Variants in PCCB observed in about 807,000 individuals in gnomAD.
PCCB encodes the protein propionyl-CoA carboxylase subunit beta.
In PCCB, 43 loss-of-function variants were observed where a neutral mutation model predicts 60.7. The observed-to-expected ratio is 0.71, with a 90% CI of 0.55 to 0.91. The LOEUF is 0.91. Ranked by LOEUF, PCCB falls within the 40% of genes least tolerant of loss-of-function variation. The pLI, the probability that PCCB is intolerant of heterozygous loss-of-function variation, is 0.00. For missense variants in PCCB, 766 were observed against 702.8 expected, an observed-to-expected ratio of 1.09 and a Z score of -1.02; for synonymous variants, 276 against 255.9, an observed-to-expected ratio of 1.08 and a Z score of -0.75.
At chr3:136,318,339 G>A (rs546662059) in intron 10 of PCCB, among the ~76,000 whole-genome samples, 4 of 152,154 alleles carry the variant, frequency 2.6e-5, no homozygotes, top group Non-Finnish European at 5.9e-5. Context: ...ACAGTGAGCC[G>A]AGATCACGCC....
At chr3:136,282,965 G>A (rs1244170895) in intron 5 of PCCB, among the ~76,000 whole-genome samples, 3 of 152,182 alleles carry the variant, frequency 2.0e-5, no homozygotes, top group African/African-American at 7.2e-5. Context: ...ATGCTGTCCA[G>A]TTGTTTTTGG....
At chr3:136,306,995 C>A (rs1381137778) in intron 9 of PCCB, among the ~76,000 whole-genome samples, 1 of 122,570 alleles carries the variant, frequency 8.2e-6, no homozygotes, top group Non-Finnish European at 1.8e-5. Context: ...GGGCAGAAAT[C>A]AAATGACTTA....
chr3:136,297,230 A>G (rs1295907704), intron 7 of PCCB, among the ~76,000 whole-genome samples: 1 of 152,168 alleles, frequency 6.6e-6, no homozygotes, highest in Non-Finnish European at 1.5e-5. Context: ...TCAGTGAACA[A>G]GGAGGATCAT....
At chr3:136,314,937 G>A (rs537479270) in intron 9 of PCCB, among the ~76,000 whole-genome samples, 20 of 152,184 alleles carry the variant, frequency 1.3e-4, no homozygotes, top group Non-Finnish European at 2.5e-4. Context: ...AACACATTGT[G>A]CCACTTGATG....
intron 3 of PCCB, among the ~76,000 whole-genome samples, chr3:136,256,931 T>C (rs964735180): frequency 1.3e-5 from 2 of 152,318 alleles, no homozygotes; most frequent in Non-Finnish European, 2.9e-5. Context: ...AGGGCATCTG[T>C]GTCCTGGGCA....
chr3:136,257,112 A>G (rs936340373), intron 3 of PCCB, among the ~76,000 whole-genome samples: 2 of 152,188 alleles, frequency 1.3e-5, no homozygotes, highest in Non-Finnish European at 2.9e-5. Context: ...AGCTATCAAT[A>G]TGTTATTTTA....
chr3:136,265,063 G>A (rs1941949923), intron 5 of PCCB, among the ~76,000 whole-genome samples: 2 of 151,796 alleles, frequency 1.3e-5, no homozygotes, highest in South Asian at 2.1e-4. Context: ...GCGTGATGGC[G>A]AGCGCCTGTA....
intron 10 of PCCB, among the ~76,000 whole-genome samples, chr3:136,323,164 A>G (rs1195469888): frequency 1.3e-5 from 2 of 152,060 alleles, no homozygotes; most frequent in Non-Finnish European, 2.9e-5. Context: ...GTTTTCGGAC[A>G]TTATTTCATC....
chr3:136,279,487 A>C (rs1347434299), intron 5 of PCCB, among the ~76,000 whole-genome samples: 1 of 152,034 alleles, frequency 6.6e-6, no homozygotes, highest in Non-Finnish European at 1.5e-5. Flanking sequence ...GATTATAATT[A>C]ATATCTTGAA....
At chr3:136,299,722 A>T (rs1934140315) in intron 8 of PCCB, among the ~76,000 whole-genome samples, 1 of 149,082 alleles carries the variant, frequency 6.7e-6, no homozygotes, top group African/African-American at 2.5e-5. Flanking sequence ...ATGTGTATGT[A>T]TGTATATGCA....
At chr3:136,270,488 A>G (rs973256263) in intron 5 of PCCB, among the ~76,000 whole-genome samples, 1 of 151,700 alleles carries the variant, frequency 6.6e-6, no homozygotes, top group African/African-American at 2.4e-5. Context: ...GCCCGGCCAC[A>G]TCTGTTGTTT....
chr3:136,268,276 A>C (rs1296905586), intron 5 of PCCB, among the ~76,000 whole-genome samples: 1 of 151,328 alleles, frequency 6.6e-6, no homozygotes, highest in Non-Finnish European at 1.5e-5. Flanking sequence ...ATTAATTGAC[A>C]TAACTATTCT....
intron 5 of PCCB, among the ~76,000 whole-genome samples, chr3:136,280,399 T>G (rs1239150858): frequency 2.6e-5 from 4 of 152,202 alleles, no homozygotes. Flanking sequence ...CAGGATGGAG[T>G]GCAGTGGTGC....
intron 7 of PCCB, among the ~76,000 whole-genome samples, chr3:136,294,647 A>T (rs1031553624): frequency 1.4e-5 from 2 of 146,248 alleles, no homozygotes; most frequent in Non-Finnish European, 3.0e-5. Flanking sequence ...GTCTCATGCT[A>T]TTGCCCAGGC....
In PCCB at chr3:136,301,109, T is replaced by C. The variant is rs1934259306; in HGVS notation, c.964T>C (p.Ser322Pro). 6.2e-7 allele frequency: 1 copy of C among 1,609,654 alleles called. No homozygotes were observed. Among genetic ancestry groups the C allele is most frequent in the Non-Finnish European group, 8.5e-7 (1 of 1,175,840 alleles). ...KAYNMVDIIH[S>P]VVDEREFFEI... ...CTACAACATGGTGGACATCATACACTCTGTAAGTGCCACATCTGTTTGTCT... is the reference window on the plus strand; with the variant it reads ...CTACAACATGGTGGACATCATACACCCTGTAAGTGCCACATCTGTTTGTCT... Residue 322 changes from serine (S) to proline (P), a missense_variant and splice_region_variant, in exon 9 of 15, where the codon TCT becomes CCT. Ser to Pro is a moderately conservative substitution (Grantham distance 74). Coordinates refer to ENST00000251654, the MANE Select transcript of PCCB (RefSeq NM_000532.5).
At chr3:136,251,769 T>C (rs1199873257) in intron 1 of PCCB, among the ~76,000 whole-genome samples, 1 of 152,202 alleles carries the variant, frequency 6.6e-6, no homozygotes, top group East Asian at 1.9e-4. Flanking sequence ...CGCCTAGCCC[T>C]TTCCCAGGTA....
chr3:136,325,651 C>G (rs67452583), intron 10 of PCCB, among the ~76,000 whole-genome samples: 1 of 151,950 alleles, frequency 6.6e-6, no homozygotes, highest in African/African-American at 2.4e-5. Context: ...GCCACTGTGC[C>G]GGGCCATGTT....
intron 1 of PCCB, among the ~76,000 whole-genome samples, chr3:136,254,262 A>G (rs1023287582): frequency 1.3e-5 from 2 of 151,770 alleles, no homozygotes; most frequent in Non-Finnish European, 2.9e-5. Flanking sequence ...CCTGTCACCC[A>G]GGCTGGAGTA....
chr3:136,311,228 A>G (rs954156241), intron 9 of PCCB, among the ~76,000 whole-genome samples: 11 of 152,238 alleles, frequency 7.2e-5, no homozygotes, highest in Admixed American at 2.0e-4. Context: ...CAAAATTAAC[A>G]TATAGAAATC....
Sources: allele counts gnomAD v4.1 joint callset (sites outside exome capture counted in the v4.1 genomes callset), GRCh38; gene constraint gnomAD v4.1.1; transcripts MANE v1.5; gene names NCBI Gene and HGNC (gene_info 2026-07-23, HGNC 2026-07-21).